The following JADE2 variants were observed in gnomAD, a reference collection of about 807,000 sequenced individuals.
The protein encoded by JADE2 is jade family PHD finger 2, also known as E3 ubiquitin-protein ligase Jade-2.
A neutral mutation model predicts 85.7 loss-of-function variants in JADE2; 13 were observed. The observed-to-expected ratio is 0.15, with a 90% confidence interval of 0.10 to 0.24. JADE2 has a LOEUF of 0.24. Ranked by LOEUF, JADE2 falls within the 10% of genes least tolerant of loss-of-function variation. The probability of loss-of-function intolerance (pLI) is 1.00; values close to 1 mark genes in which losing one functional copy is unlikely to be tolerated. For missense variants in JADE2, 846 were observed against 1,115.9 expected, an observed-to-expected ratio of 0.76 and a Z score of 3.45; for synonymous variants, 440 against 456.1, an observed-to-expected ratio of 0.96 and a Z score of 0.45.
rs1764575898 is a variant in JADE2, at chr5:134,579,183, A to C, written c.2371A>C (p.Thr791Pro). ...GCCCAAGGTCAGCCTGCATTTTGAC[A>C]CTGAGACTGATGGCTACTTCTCTGA... ...ERPKVSLHFDTETDGYFSDGE... is the reference protein window; with the variant it reads ...ERPKVSLHFDPETDGYFSDGE... Residue 791 changes from threonine to proline, a missense_variant, in exon 12 of 12, where the codon ACT becomes CCT. Coordinates refer to ENST00000681547, the MANE Select transcript of JADE2 (RefSeq NM_001388185.1). The surrounding 1 kb of genome is among the most constrained non-coding windows in gnomAD (Gnocchi z 4.6). 2 of 1,614,236 alleles carry C rather than the reference A, an allele frequency of 1.2e-6. No homozygotes were observed. The highest frequency in any genetic ancestry group is 4.5e-5 in the East Asian group (2 of 44,880).
At chr5:134,565,826 CAAAA>C (rs67913190) in intron 8 of JADE2, among the ~76,000 whole-genome samples, 1 of 141,674 alleles carries the variant, frequency 7.1e-6, no homozygotes, top group African/African-American at 2.6e-5. Context: ...GACTCTGTCT[CAAAA>C]AAAAAAAAAT....
intron 3 of JADE2, among the ~76,000 whole-genome samples, chr5:134,540,830 G>A (rs1000449695): frequency 6.6e-6 from 1 of 152,188 alleles, no homozygotes; most frequent in South Asian, 2.1e-4. Context: ...TCCAGTGGGA[G>A]GATGGGCCAC....
At chr5:134,529,093 T>C (rs553510169) in intron 1 of JADE2, among the ~76,000 whole-genome samples, 20 of 152,318 alleles carry the variant, frequency 1.3e-4, no homozygotes, top group African/African-American at 4.8e-4. Flanking sequence ...TAACCTAGTG[T>C]TCCTCTTAAC....
chr5:134,577,741 C>G (rs989873350), intron 11 of JADE2, among the ~76,000 whole-genome samples: 62 of 152,170 alleles, frequency 4.1e-4, no homozygotes, highest in Non-Finnish European at 7.8e-4. Context: ...GGGTGTCTAA[C>G]AGGAAACCCA....
intron 1 of JADE2, chr5:134,526,813 G>A (rs964614205): frequency 2.1e-6 from 2 of 952,068 alleles, no homozygotes; most frequent in African/African-American, 1.8e-5. Flanking sequence ...GGGGTCGGGG[G>A]CAGCCTCCAC....
chr5:134,538,318 A>G (rs1025672946), intron 3 of JADE2, among the ~76,000 whole-genome samples: 4 of 152,194 alleles, frequency 2.6e-5, no homozygotes, highest in South Asian at 2.1e-4. Context: ...AGACAGGGTA[A>G]TGACACAGCC....
chr5:134,577,765 C>T (rs1195536088), intron 11 of JADE2, among the ~76,000 whole-genome samples: 3 of 152,178 alleles, frequency 2.0e-5, no homozygotes, highest in Admixed American at 6.5e-5. Context: ...TCCCGTCTCG[C>T]CAGCTGCCCC....
intron 4 of JADE2, among the ~76,000 whole-genome samples, chr5:134,554,061 C>T (rs1252781916): frequency 6.6e-6 from 1 of 152,124 alleles, no homozygotes; most frequent in African/African-American, 2.4e-5. Flanking sequence ...CCTTGTGGCT[C>T]TTGCTCGATC....
At chr5:134,545,148 C>T (rs1340288299) in intron 3 of JADE2, among the ~76,000 whole-genome samples, 1 of 152,200 alleles carries the variant, frequency 6.6e-6, no homozygotes, top group East Asian at 1.9e-4. Flanking sequence ...CCAGCAGTTC[C>T]TTTGCTACCC....
At chr5:134,554,952 G>A (rs1581438347) in intron 4 of JADE2, among the ~76,000 whole-genome samples, 1 of 152,216 alleles carries the variant, frequency 6.6e-6, no homozygotes, top group East Asian at 1.9e-4. Flanking sequence ...CCATTTTATA[G>A]ATGAGGAAGT....
At chr5:134,533,273 A>G (rs1761365534) in intron 1 of JADE2, among the ~76,000 whole-genome samples, 1 of 152,040 alleles carries the variant, frequency 6.6e-6, no homozygotes, top group Admixed American at 6.6e-5. Context: ...AGGGCTTTAC[A>G]CTGTTCTTAT....
At chr5:134,552,262 G>A in intron 4 of JADE2, 53 bp downstream of exon 4, 1 of 1,552,670 alleles carries the variant, frequency 6.4e-7, no homozygotes, top group Non-Finnish European at 8.7e-7. Flanking sequence ...AGGAAGGGGA[G>A]GCTGCTTTCC....
rs145385853 is a variant in JADE2, at chr5:134,578,727, C to G, written c.1915C>G (p.Arg639Gly). Residue 639 changes from arginine (R) to glycine (G), a missense_variant, in exon 12 of 12, where the codon CGA becomes GGA. Around this residue, in one of 9 missense-constraint regions of JADE2, gnomAD observed 300 missense variants for 300.7 expected, o/e 1.00. Transcript: ENST00000681547. This position sits in a 1 kb window ranked among gnomAD's most constrained non-coding sequence, Gnocchi z 4.4. ...ACCTGGTGACCCTGCTAGGAAGGCC[C>G]GAGGCCGCACCCGCCTGCCTGCCAA... ...LRPGDPARKARGRTRLPAKKK... is the reference protein window; with the variant it reads ...LRPGDPARKAGGRTRLPAKKK... The G allele has an allele frequency of 1.9e-4, 299 of 1,613,066 alleles. No homozygotes were observed. Among genetic ancestry groups the G allele is most frequent in the Non-Finnish European group, 2.5e-5 (29 of 1,179,890 alleles).
rs575349989 is a variant in JADE2 at position 134,571,077 on chromosome 5, C to T, written c.1435-2568C>T. Among the ~76,000 whole-genome samples, 9 of 152,348 alleles carry T rather than the reference C, an allele frequency of 5.9e-5. No individual in the cohort carries two copies. In the East Asian group the frequency reaches 1.7e-3, roughly 29 times the overall value. On this transcript the variant is annotated intron_variant, in intron 9 of 11. Transcript: ENST00000681547. ...TGCCGGAGGCTCTGCGGGGGAGTCT[C>T]TCCGTGCCTCCCAGCTTCTGGTGGT...
intron 1 of JADE2, among the ~76,000 whole-genome samples, chr5:134,531,336 G>C (rs1761221832): frequency 6.6e-6 from 1 of 152,060 alleles, no homozygotes; most frequent in Non-Finnish European, 1.5e-5. Flanking sequence ...GATTGTGTAG[G>C]GTCTTGTGGT....
intron 3 of JADE2, among the ~76,000 whole-genome samples, chr5:134,542,892 C>T (rs179278): frequency 0.29 from 44,475 of 151,734 alleles, 6,824 homozygotes; most frequent in Non-Finnish European, 0.33. Context: ...GCCACCATGC[C>T]GGGCTAATTT....
rs191853467 is a variant in JADE2 at position 134,566,943 on chromosome 5, G to A, written c.1434+363G>A. Among the ~76,000 whole-genome samples the A allele has an allele frequency of 2.0e-5, 3 of 152,310 alleles. No homozygotes were observed. Among genetic ancestry groups the A allele is most frequent in the Admixed American group, 6.5e-5 (1 of 15,298 alleles). On this transcript the variant is annotated intron_variant, in intron 9 of 11. Transcript: ENST00000681547. This position sits in a 1 kb window ranked among gnomAD's most constrained non-coding sequence, Gnocchi z 6.7. ...GCACTTGCTTGCCTCTGTGGGCCCCGCCTGGTCCTAACACATGAGCTTGCA... is the reference window on the plus strand; with the variant it reads ...GCACTTGCTTGCCTCTGTGGGCCCCACCTGGTCCTAACACATGAGCTTGCA...
chr5:134,549,246 G>A (rs1762466902), intron 3 of JADE2, among the ~76,000 whole-genome samples: 1 of 152,070 alleles, frequency 6.6e-6, no homozygotes, highest in South Asian at 2.1e-4. Context: ...GCCCAGGGCC[G>A]GGCGCGGTGG....
intron 9 of JADE2, among the ~76,000 whole-genome samples, chr5:134,571,885 C>T (rs927518409): frequency 6.6e-6 from 1 of 152,214 alleles, no homozygotes; most frequent in African/African-American, 2.4e-5. Context: ...TCTGCCCTGC[C>T]GTGTGATCAA....
Sources: allele counts gnomAD v4.1 joint callset (sites outside exome capture counted in the v4.1 genomes callset), GRCh38; gene constraint gnomAD v4.1.1; regional missense constraint gnomAD v4.1.1; non-coding constraint Gnocchi (gnomAD v3.1); transcripts MANE v1.5; gene names NCBI Gene and HGNC (gene_info 2026-07-23, HGNC 2026-07-21).